Variants in ZNF160 observed in about 807,000 individuals in gnomAD.
ZNF160 encodes the protein zinc finger protein 160.
In ZNF160, 9 loss-of-function variants were observed where a neutral mutation model predicts 13.1. The ratio of observed to expected loss-of-function variants is 0.69; its 90% CI spans 0.41 to 1.20. The LOEUF is 1.20. Among genes scored for constraint, ZNF160 ranks in the 50% most tolerant of loss-of-function variants. ZNF160 has a pLI of 0.01. For missense variants in ZNF160, 838 were observed against 988.0 expected, an observed-to-expected ratio of 0.85 and a Z score of 2.04; for synonymous variants, 293 against 333.2, an observed-to-expected ratio of 0.88 and a Z score of 1.31.
chr19:53,074,542 C>T (rs1600822816), intron 4 of ZNF160, among the ~76,000 whole-genome samples: 1 of 151,714 alleles, frequency 6.6e-6, no homozygotes, highest in African/African-American at 2.4e-5. Flanking sequence ...TGGTGGCGGG[C>T]GCCTGTGGTC....
At chr19:53,071,206 T>A (rs898316420) in intron 5 of ZNF160, among the ~76,000 whole-genome samples, 4 of 149,950 alleles carry the variant, frequency 2.7e-5, no homozygotes, top group Non-Finnish European at 4.4e-5. Flanking sequence ...AAAATAAAAA[T>A]AAAAAAATTA....
chr19:53,070,793 G>A (rs1443864953), intron 5 of ZNF160, among the ~76,000 whole-genome samples: 1 of 152,152 alleles, frequency 6.6e-6, no homozygotes, highest in Non-Finnish European at 1.5e-5. Context: ...TGTGGCTCAT[G>A]CCTGTAATCC....
chr19:53,095,280 A>AC (rs56944972), intron 1 of ZNF160: 140,420 of 140,456 alleles, frequency 1, 70,192 homozygotes, highest in Middle Eastern at 1. Flanking sequence ...CACCCTCCCC[A>AC]CCTGGCCTCT....
intron 1 of ZNF160, among the ~76,000 whole-genome samples, chr19:53,097,889 G>C (rs2085295837): frequency 6.6e-6 from 1 of 152,010 alleles, no homozygotes; most frequent in South Asian, 2.1e-4. Flanking sequence ...AGCAGCTCTG[G>C]GATCCACACC....
At chr19:53,085,622 C>T (rs1000053899) in intron 3 of ZNF160, 2 of 165,160 alleles carry the variant, frequency 1.2e-5, no homozygotes, top group Non-Finnish European at 2.6e-5. Context: ...CTTGTAAGAA[C>T]ATCACAGTCT....
chr19:53,067,216 T>A lies in ZNF160; in HGVS notation c.*861A>T, dbSNP rs536731739. The A allele has an allele frequency of 6.6e-6, 1 of 152,336 alleles. No homozygotes were observed. The highest frequency in any genetic ancestry group is 1.5e-5 in the Non-Finnish European group (1 of 68,046). The allele number at this position is 152,336 out of a possible 1,614,324, so 9.4% of individuals were successfully genotyped here. On this transcript the variant is annotated 3_prime_UTR_variant, in exon 6 of 6. Transcript: ENST00000683776. ...ACACAATCAGTGTCTAATTACCTAT[T>A]ACTCTCCTCCCACAAAAATCCCAAT... is the stretch of plus-strand genomic sequence containing the variant.
chr19:53,079,657 C>T (rs376401086), intron 3 of ZNF160, among the ~76,000 whole-genome samples: 128 of 94,486 alleles, frequency 1.4e-3, no homozygotes, highest in African/African-American at 6.3e-3. Flanking sequence ...AACACAATAG[C>T]AGCAAAAAAA....
intron 3 of ZNF160, among the ~76,000 whole-genome samples, chr19:53,082,283 AAAT>A (rs1429270205): frequency 1.3e-5 from 2 of 152,248 alleles, no homozygotes; most frequent in Non-Finnish European, 2.9e-5. Context: ...AAAATGAATC[AAAT>A]AAAAGTACGT....
chr19:53,086,237 C>A (rs369553618), intron 3 of ZNF160, 25 bp downstream of exon 3: 28 of 1,573,960 alleles, frequency 1.8e-5, no homozygotes, highest in African/African-American at 2.7e-5. Flanking sequence ...AATAAAAGAA[C>A]AATCCACCAG....
intron 3 of ZNF160, among the ~76,000 whole-genome samples, chr19:53,078,945 T>G (rs187580660): frequency 1.5e-3 from 231 of 152,246 alleles, no homozygotes; most frequent in African/African-American, 5.3e-3. Flanking sequence ...AAAAAACAAT[T>G]GTATGATACC....
chr19:53,074,301 G>T, intron 4 of ZNF160, 33 bp from the exon 5 acceptor site: 3 of 1,609,678 alleles, frequency 1.9e-6, no homozygotes, highest in Non-Finnish European at 2.5e-6. Flanking sequence ...ACAATGTGCC[G>T]GGGCTTTTCC....
At chr19:53,085,160 C>T (rs1321588424) in intron 3 of ZNF160, 1 of 985,168 alleles carries the variant, frequency 1.0e-6, no homozygotes, top group Non-Finnish European at 1.2e-6. Flanking sequence ...TTAAAAGATC[C>T]ACCTGTCTTC....
At chr19:53,092,292 T>A (rs779055378) in intron 1 of ZNF160, among the ~76,000 whole-genome samples, 7 of 152,128 alleles carry the variant, frequency 4.6e-5, no homozygotes, top group Non-Finnish European at 7.3e-5. Flanking sequence ...TTTGCAAGAT[T>A]TTAAGCGTAT....
intron 3 of ZNF160, among the ~76,000 whole-genome samples, chr19:53,084,605 G>A (rs1003667811): frequency 3.3e-5 from 5 of 152,106 alleles, no homozygotes; most frequent in Non-Finnish European, 7.3e-5. Flanking sequence ...AACAGAAAAT[G>A]GAGCAAAGTA....
chr19:53,099,214 G>A (rs1265842348), intron 1 of ZNF160, among the ~76,000 whole-genome samples: 3 of 152,198 alleles, frequency 2.0e-5, no homozygotes, highest in East Asian at 3.8e-4. Context: ...ATTTCAGATG[G>A]GGGTGCAAGA....
chr19:53,073,411 G>A (rs892361181), intron 5 of ZNF160: 1 of 1,598,322 alleles, frequency 6.3e-7, no homozygotes, highest in Non-Finnish European at 8.5e-7. Flanking sequence ...AAATGGCCGA[G>A]GGACCTCGAC....
chr19:53,073,778 C>T lies in ZNF160; in HGVS notation c.271+362G>A, dbSNP rs555786591. Among the ~76,000 whole-genome samples, 244 of 151,392 alleles carry T rather than the reference C, an allele frequency of 1.6e-3. 1 individual carries two copies. Among genetic ancestry groups the T allele is most frequent in the African/African-American group, 5.6e-3 (231 of 41,350 alleles). On this transcript the variant is annotated intron_variant, in intron 5 of 5. Transcript: ENST00000683776. ...GAACTCTCTCATCTGCAGAGAGTTT[C>T]CCACTTTATTTATTTATTTATTTTG...
chr19:53,089,297 G>A (rs991591815), intron 2 of ZNF160, among the ~76,000 whole-genome samples: 4 of 152,150 alleles, frequency 2.6e-5, no homozygotes, highest in South Asian at 2.1e-4. Flanking sequence ...AGTTAGTGTC[G>A]GATGGAAAAT....
rs1029457173 is a variant in ZNF160 at position 53,090,672 on chromosome 19, G to A, written c.-46+741C>T. 2.6e-5 allele frequency among the ~76,000 whole-genome samples: 4 copies of A among 152,278 alleles called. No homozygotes were observed. The East Asian group carries it at 7.8e-4, about 30-fold the overall frequency. On this transcript the variant is annotated intron_variant, in intron 2 of 5. Coordinates refer to ENST00000683776, the MANE Select transcript of ZNF160 (RefSeq NM_001322131.2). ...ATGCTTATGAGGGGGAGGCCTGCAG[G>A]ATAGAGGGCAAGGCTCAATGAGAGC... is the stretch of plus-strand genomic sequence containing the variant.
Sources: gnomAD v4.1 joint callset for allele counts (sites outside exome capture counted in the v4.1 genomes callset) on GRCh38, gnomAD v4.1.1 for gene constraint, MANE v1.5 for transcripts, NCBI Gene and HGNC (gene_info 2026-07-23, HGNC 2026-07-21) for gene names.